JAZF1: variants seen among roughly 807,000 people sequenced by gnomAD.
JAZF1 encodes the protein JAZF zinc finger 1.
Under a neutral mutation model 26.4 loss-of-function variants are expected in JAZF1, and 8 were observed. That is an observed-to-expected ratio of 0.30 (90% CI 0.18 to 0.55). JAZF1 has a LOEUF of 0.55. JAZF1 is among the 20% of genes least tolerant of loss of function. The pLI is 0.94. For synonymous variants in JAZF1, 126 were observed against 122.3 expected, an observed-to-expected ratio of 1.03 and a Z score of -0.20; for missense variants, 199 against 322.0, an observed-to-expected ratio of 0.62 and a Z score of 2.92.
rs143130742 is a variant in JAZF1, at chr7:27,983,686, A to C, written c.188+8223T>G. Among the ~76,000 whole-genome samples the C allele has an allele frequency of 5.5e-3, 844 of 152,314 alleles. 10 individuals are homozygous for C. Among genetic ancestry groups the C allele is most frequent in the South Asian group, 0.012 (58 of 4,822 alleles). On this transcript the variant is annotated intron_variant, in intron 2 of 4. Coordinates refer to ENST00000283928, the MANE Select transcript of JAZF1 (RefSeq NM_175061.4). ...AGTTGAAATAAAGGAAAAAATAATAAGGGCAGCCAGAGAGAAAGGTCGGGT... is the reference window on the plus strand; with the variant it reads ...AGTTGAAATAAAGGAAAAAATAATACGGGCAGCCAGAGAGAAAGGTCGGGT...
chr7:28,070,370 A>C (rs1409505298), intron 1 of JAZF1, among the ~76,000 whole-genome samples: 1 of 152,254 alleles, frequency 6.6e-6, no homozygotes, highest in African/African-American at 2.4e-5. Flanking sequence ...ACATGTGGCC[A>C]CATTTTCCTC....
At chr7:27,994,491 A>AT (rs1394938064) in intron 1 of JAZF1, among the ~76,000 whole-genome samples, 1 of 151,898 alleles carries the variant, frequency 6.6e-6, no homozygotes, top group East Asian at 1.9e-4. Context: ...ACAAAAAACC[A>AT]TTTGGAAGCA....
At chr7:28,126,219 T>C (rs1444009573) in intron 1 of JAZF1, among the ~76,000 whole-genome samples, 2 of 152,144 alleles carry the variant, frequency 1.3e-5, no homozygotes, top group Non-Finnish European at 1.5e-5. Flanking sequence ...TCACTTTCAC[T>C]CTCATGCAAC....
At chr7:28,154,198 G>A (rs540818838) in intron 1 of JAZF1, among the ~76,000 whole-genome samples, 7 of 152,256 alleles carry the variant, frequency 4.6e-5, no homozygotes, top group South Asian at 2.1e-4. Context: ...TCTGCAAAGC[G>A]CAGATGAGCT....
intron 2 of JAZF1, among the ~76,000 whole-genome samples, chr7:27,915,063 G>A (rs1056623366): frequency 2.0e-4 from 30 of 152,292 alleles, no homozygotes; most frequent in African/African-American, 6.5e-4. Flanking sequence ...AGTTTACTAT[G>A]AGGATGATTC....
intron 2 of JAZF1, among the ~76,000 whole-genome samples, chr7:27,969,320 T>C (rs1785333832): frequency 6.6e-6 from 1 of 152,096 alleles, no homozygotes; most frequent in Non-Finnish European, 1.5e-5. Context: ...AGAGAGGACG[T>C]TGGCAAGGAC....
chr7:28,034,141 A>C (rs545413814), intron 1 of JAZF1, among the ~76,000 whole-genome samples: 7 of 152,318 alleles, frequency 4.6e-5, no homozygotes, highest in African/African-American at 1.7e-4. Flanking sequence ...TCTAAAATAA[A>C]ACATCACAAT....
chr7:27,851,044 A>ATGAT (rs1196503483), intron 3 of JAZF1, among the ~76,000 whole-genome samples: 2 of 152,076 alleles, frequency 1.3e-5, no homozygotes, highest in East Asian at 3.9e-4. Flanking sequence ...CCGGGTTCAA[A>ATGAT]TGATTCTCCT....
intron 1 of JAZF1, among the ~76,000 whole-genome samples, chr7:28,065,552 CATGTGTTGTT>C (rs984660662): frequency 6.6e-6 from 1 of 152,214 alleles, no homozygotes; most frequent in Non-Finnish European, 1.5e-5. Context: ...CCTATCCCAA[CATGTGTTGTT>C]AAGTCAGCAC....
intron 1 of JAZF1, among the ~76,000 whole-genome samples, chr7:28,137,859 G>A (rs1191749557): frequency 3.9e-5 from 6 of 152,274 alleles, no homozygotes; most frequent in East Asian, 1.9e-4. Context: ...AGAACTTTCC[G>A]TGTATTCATT....
chr7:27,901,743 G>A (rs1056982929), intron 2 of JAZF1, among the ~76,000 whole-genome samples: 10 of 152,192 alleles, frequency 6.6e-5, no homozygotes, highest in African/African-American at 2.4e-4. Flanking sequence ...CAAAGAAACT[G>A]GTGGCCTCCG....
intron 3 of JAZF1, among the ~76,000 whole-genome samples, chr7:27,889,376 G>A (rs926896020): frequency 2.6e-5 from 4 of 152,088 alleles, no homozygotes; most frequent in Admixed American, 6.5e-5. Flanking sequence ...TCTAATGATG[G>A]ATGCAAAAGC....
At chr7:28,164,362 T>A (rs1310730578) in intron 1 of JAZF1, among the ~76,000 whole-genome samples, 1 of 152,242 alleles carries the variant, frequency 6.6e-6, no homozygotes, top group Admixed American at 6.5e-5. Context: ...TACGAATATA[T>A]GTATCTTGGC....
intron 1 of JAZF1, among the ~76,000 whole-genome samples, chr7:28,173,991 G>T (rs1485153676): frequency 6.6e-6 from 1 of 151,004 alleles, no homozygotes; most frequent in East Asian, 1.9e-4. Flanking sequence ...ATATTAAATG[G>T]AAGGCACTTT....
Position 27,831,935 on chromosome 7 carries a change from CTT to C in JAZF1, c.*863_*864del, listed in dbSNP as rs1351009959. The C allele has an allele frequency of 9.1e-6, 2 of 219,442 alleles. No homozygotes were observed. The highest frequency in any genetic ancestry group is 2.2e-5 in the African/African-American group (1 of 44,598). 13.6% of individuals were successfully genotyped at this position (219,442 alleles called of 1,614,324 possible). Reference sequence around the variant, plus strand: ...TATAACTAAACTTCACACACACACACTTTGCACTGAAGTATTTCAAAGTCTTT... The same window carrying C: ...TATAACTAAACTTCACACACACACACTGCACTGAAGTATTTCAAAGTCTTT... On this transcript the variant is annotated 3_prime_UTR_variant, in exon 5 of 5. Transcript: ENST00000283928.
At chr7:27,895,546 A>T (rs576496742) in intron 2 of JAZF1, 130 bp from the exon 3 acceptor site, 1 of 507,380 alleles carries the variant, frequency 2.0e-6, no homozygotes, top group African/African-American at 2.0e-5. Context: ...CCAATCTCAA[A>T]AACTCACAAC....
intron 1 of JAZF1, among the ~76,000 whole-genome samples, chr7:28,003,726 G>A (rs879585094): frequency 6.6e-6 from 1 of 151,716 alleles, no homozygotes; most frequent in Admixed American, 6.6e-5. Flanking sequence ...TTCTTTAAAG[G>A]GCAGCTCTGA....
chr7:27,944,737 T>C (rs183862909), intron 2 of JAZF1, among the ~76,000 whole-genome samples: 4 of 152,246 alleles, frequency 2.6e-5, no homozygotes, highest in Admixed American at 2.0e-4. Context: ...CCTGAAGCTG[T>C]TTCCACTAGC....
At chr7:27,906,978 T>G (rs931426051) in intron 2 of JAZF1, among the ~76,000 whole-genome samples, 1 of 152,216 alleles carries the variant, frequency 6.6e-6, no homozygotes, top group Non-Finnish European at 1.5e-5. Context: ...TTATTGAGGT[T>G]TCACTGTAAG....
Sources: gnomAD v4.1 joint callset for allele counts (sites outside exome capture counted in the v4.1 genomes callset) on GRCh38, gnomAD v4.1.1 for gene constraint, MANE v1.5 for transcripts, NCBI Gene and HGNC (gene_info 2026-07-23, HGNC 2026-07-21) for gene names.